The following CHKA variants were observed in gnomAD, a reference collection of about 807,000 sequenced individuals.
The protein encoded by CHKA is CHETK-alpha.
In CHKA, 34 loss-of-function variants were observed where a neutral mutation model predicts 60.1. That is an observed-to-expected ratio of 0.57 (90% CI 0.43 to 0.75). The LOEUF (loss-of-function observed/expected upper bound fraction) is 0.75. Among genes scored for constraint, CHKA ranks in the 30% least tolerant of loss-of-function variants. CHKA has a pLI of 0.00. For synonymous variants in CHKA, 217 were observed against 223.1 expected (o/e 0.97, Z 0.24); for missense variants, 563 against 561.3 (o/e 1.00, Z -0.03).
intron 2 of CHKA, among the ~76,000 whole-genome samples, chr11:68,096,143 CACTTGAGGTCAGGAGTTTGAGA>C (rs1857509879): frequency 2.6e-5 from 4 of 151,908 alleles, no homozygotes; most frequent in Non-Finnish European, 5.9e-5. Flanking sequence ...GCGGGTGGAT[CACTTGAGGTCAGGAGTTTGAGA>C]CCAGCCTGAC....
intron 1 of CHKA, among the ~76,000 whole-genome samples, chr11:68,101,337 G>C (rs943340597): frequency 9.9e-5 from 15 of 152,246 alleles, no homozygotes; most frequent in Non-Finnish European, 1.8e-4. Flanking sequence ...GCAAGAGAAA[G>C]AAATAAAAGG....
intron 11 of CHKA, 114 bp downstream of exon 11, chr11:68,061,839 G>A (rs1461514826): frequency 1.6e-5 from 13 of 791,492 alleles, no homozygotes; most frequent in Non-Finnish European, 2.6e-5. Flanking sequence ...TACTTGGGGA[G>A]ACAGAGAACC....
At chr11:68,087,013 C>CT (rs1368475033) in intron 2 of CHKA, among the ~76,000 whole-genome samples, 10 of 151,806 alleles carry the variant, frequency 6.6e-5, no homozygotes, top group African/African-American at 2.4e-4. Flanking sequence ...TTTAAAACAT[C>CT]TTTAACACCC....
chr11:68,061,095 G>GTTTTT (rs757176198), intron 11 of CHKA, among the ~76,000 whole-genome samples: 3 of 70,842 alleles, frequency 4.2e-5, no homozygotes, highest in African/African-American at 6.7e-5. Context: ...GTCAGTGACA[G>GTTTTT]TTTTTTTTTT....
At chr11:68,072,650 C>T (rs760662144) in intron 4 of CHKA, among the ~76,000 whole-genome samples, 4 of 151,512 alleles carry the variant, frequency 2.6e-5, no homozygotes, top group Non-Finnish European at 5.9e-5. Context: ...AGTCAAACAC[C>T]GGCGGCGTCA....
chr11:68,120,771 C>T lies in CHKA; in HGVS notation c.350+57G>A, dbSNP rs907404133. On this transcript the variant is annotated intron_variant, in intron 1 of 11. Coordinates refer to ENST00000265689, the MANE Select transcript of CHKA (RefSeq NM_001277.3). Reference sequence around the variant, plus strand: ...CACGCCCCCTGCCCGGACCCCGCCCCGGCCCCGCCCCGCGTCACCTGACTG... The same window carrying T: ...CACGCCCCCTGCCCGGACCCCGCCCTGGCCCCGCCCCGCGTCACCTGACTG... 186 of 902,914 alleles carry T rather than the reference C, an allele frequency of 2.1e-4. 1 individual carries two copies. The highest frequency in any genetic ancestry group is 2.5e-4 in the Non-Finnish European group (179 of 717,184). The allele number at this position is 902,914 out of a possible 1,614,324, so 55.9% of individuals were successfully genotyped here.
chr11:68,079,606 C>T (rs1044620785), intron 3 of CHKA, among the ~76,000 whole-genome samples: 8 of 152,126 alleles, frequency 5.3e-5, no homozygotes, highest in African/African-American at 7.2e-5. Flanking sequence ...GCTAGGATTA[C>T]GGCGTGAGCC....
Position 68,070,786 on chromosome 11 carries a change from T to C in CHKA, c.702A>G (p.Thr234=). Residue 234 remains threonine, a synonymous_variant, in exon 5 of 12, where the codon ACA becomes ACG. Coordinates refer to ENST00000265689, the MANE Select transcript of CHKA (RefSeq NM_001277.3). ...TGAATGGCATTTTCATACCATGAAA[T>C]GTAGCCATTTTCTCGGCGATTTCTG... ...ISAEIAEKMA[T]FHGMKMPFNK... is the part of the protein sequence containing the mutation. 1 of 1,613,372 alleles carries C rather than the reference T, an allele frequency of 6.2e-7. No homozygotes were observed. Among genetic ancestry groups the C allele is most frequent in the East Asian group, 2.2e-5 (1 of 44,862 alleles).
At position 68,070,860 on chromosome 11, in the gene CHKA, GA is replaced by G; in HGVS notation, c.631-4del. ...TCTTCAGTATCTAATCGCCGGCTCTGAAAAAGAAAAGGGAGTTAAAAACTGA... is the reference window on the plus strand; with the variant it reads ...TCTTCAGTATCTAATCGCCGGCTCTGAAAAGAAAAGGGAGTTAAAAACTGA... On this transcript the variant is annotated splice_polypyrimidine_tract_variant and splice_region_variant and intron_variant, in intron 4 of 11. Transcript: ENST00000265689. 1 of 1,602,780 alleles carries G rather than the reference GA, an allele frequency of 6.2e-7. No individual in the cohort carries two copies. The highest frequency in any genetic ancestry group is 8.5e-7 in the Non-Finnish European group (1 of 1,172,776).
chr11:68,093,591 T>A (rs1000618418), intron 2 of CHKA, among the ~76,000 whole-genome samples: 14 of 152,242 alleles, frequency 9.2e-5, no homozygotes, highest in Admixed American at 9.2e-4. Context: ...AGAATTCTGT[T>A]CAAACAAATT....
chr11:68,092,778 T>C (rs1044538440), intron 2 of CHKA, among the ~76,000 whole-genome samples: 2 of 152,192 alleles, frequency 1.3e-5, no homozygotes, highest in South Asian at 4.1e-4. Context: ...TCTGAGACTC[T>C]AGGCTTCATG....
intron 1 of CHKA, among the ~76,000 whole-genome samples, chr11:68,113,096 A>AAAAAAG (rs1858235810): frequency 7.4e-6 from 1 of 134,630 alleles, no homozygotes; most frequent in Non-Finnish European, 1.6e-5. Flanking sequence ...AAAAAAAAAA[A>AAAAAAG]AAAAAAAAAA....
intron 4 of CHKA, among the ~76,000 whole-genome samples, chr11:68,073,372 G>A (rs1430463280): frequency 2.0e-5 from 3 of 152,012 alleles, no homozygotes; most frequent in Admixed American, 6.6e-5. Flanking sequence ...TTATCATCTC[G>A]GCCGGGCGCG....
At chr11:68,088,963 T>C (rs1857269331) in intron 2 of CHKA, among the ~76,000 whole-genome samples, 1 of 152,222 alleles carries the variant, frequency 6.6e-6, no homozygotes, top group South Asian at 2.1e-4. Context: ...ATTACAAGAA[T>C]TTAAACAGAT....
intron 2 of CHKA, among the ~76,000 whole-genome samples, chr11:68,092,122 T>C (rs1857369925): frequency 6.6e-6 from 1 of 152,182 alleles, no homozygotes; most frequent in Admixed American, 6.5e-5. Flanking sequence ...GTATAGGATA[T>C]GTGTATGCTT....
intron 11 of CHKA, among the ~76,000 whole-genome samples, chr11:68,056,588 A>T (rs552522412): frequency 4.9e-4 from 75 of 152,360 alleles, no homozygotes; most frequent in African/African-American, 1.8e-3. Context: ...TTTCTAGAGA[A>T]CTGAATGTGG....
intron 3 of CHKA, among the ~76,000 whole-genome samples, chr11:68,076,228 T>G (rs1260508332): frequency 6.6e-6 from 1 of 152,210 alleles, no homozygotes; most frequent in Non-Finnish European, 1.5e-5. Flanking sequence ...TGTGGTTTTG[T>G]GTATATGACA....
At chr11:68,096,994 C>CT in intron 2 of CHKA, 25 bp downstream of exon 2, 1 of 1,545,330 alleles carries the variant, frequency 6.5e-7, no homozygotes, top group Non-Finnish European at 8.9e-7. Flanking sequence ...GGATCCCCCC[C>CT]TCCCAAAGTA....
chr11:68,055,047 C>G (rs1229973511), intron 11 of CHKA, among the ~76,000 whole-genome samples: 2 of 152,194 alleles, frequency 1.3e-5, no homozygotes. Flanking sequence ...ACTGTCGTAT[C>G]CACACACCTG....
Sources: allele counts gnomAD v4.1 joint callset (sites outside exome capture counted in the v4.1 genomes callset), GRCh38; gene constraint gnomAD v4.1.1; transcripts MANE v1.5; gene names NCBI Gene and HGNC (gene_info 2026-07-23, HGNC 2026-07-21).